C2CD5: variants seen among roughly 807,000 people sequenced by gnomAD.
The protein encoded by C2CD5 is C2 domain-containing protein 5.
C2CD5 carries 109 observed loss-of-function variants against 130.3 expected under a neutral mutation model. The ratio of observed to expected loss-of-function variants is 0.84; its 90% CI spans 0.72 to 0.98. C2CD5 has a LOEUF of 0.98. Ranked by LOEUF, C2CD5 falls within the 50% of genes least tolerant of loss-of-function variation. C2CD5 has a pLI of 0.00. For missense variants in C2CD5, 996 were observed against 1,261.8 expected (o/e 0.79, Z 3.19); for synonymous variants, 454 against 429.2 (o/e 1.06, Z -0.71).
chr12:22,481,771 T>A lies in C2CD5; in HGVS notation c.1737+786A>T, dbSNP rs866173680. On this transcript the variant is annotated intron_variant, in intron 14 of 26. Transcript: ENST00000446597. ...CCAGGACTCAATTAATCCTCCCACTTAAGCTTCCTGCCAGCACACCTGGTG... is the reference window on the plus strand; with the variant it reads ...CCAGGACTCAATTAATCCTCCCACTAAAGCTTCCTGCCAGCACACCTGGTG... Among the ~76,000 whole-genome samples, 118 of 149,234 alleles carry A rather than the reference T, an allele frequency of 7.9e-4. 1 individual carries two copies. Among genetic ancestry groups the A allele is most frequent in the African/African-American group, 2.7e-3 (111 of 40,498 alleles).
At chr12:22,493,158 C>A in intron 11 of C2CD5, 65 bp downstream of exon 11, 2 of 890,482 alleles carry the variant, frequency 2.2e-6, no homozygotes, top group South Asian at 1.6e-5. Context: ...TTGCATGAAG[C>A]TTTTCCCCTT....
chr12:22,488,831 C>T (rs1048225425), intron 12 of C2CD5, among the ~76,000 whole-genome samples: 5 of 150,820 alleles, frequency 3.3e-5, no homozygotes, highest in East Asian at 3.9e-4. Flanking sequence ...GTTATAAATG[C>T]GTGCAAGTTT....
chr12:22,515,468 T>C (rs949358403), intron 8 of C2CD5, among the ~76,000 whole-genome samples: 7 of 152,164 alleles, frequency 4.6e-5, no homozygotes, highest in Non-Finnish European at 7.4e-5. Context: ...TTGCCTGCCC[T>C]TTTTGGCTTA....
In C2CD5 at chr12:22,524,638, A is replaced by G. The variant is rs922425004; in HGVS notation, c.446-11T>C. 4.4e-6 allele frequency: 7 copies of G among 1,597,744 alleles called. No individual in the cohort carries two copies. Among genetic ancestry groups the G allele is most frequent in the Non-Finnish European group, 6.0e-6 (7 of 1,171,116 alleles). The stretch of plus-strand genomic sequence containing the variant: ...TTGGAATAGACGTTGCTGTTAAAAC[A>G]AATTATTATGCTTCTGTTTATCAAA... On this transcript the variant is annotated splice_polypyrimidine_tract_variant and intron_variant, in intron 5 of 26. Transcript: ENST00000446597.
chr12:22,493,048 G>A (rs181928495), intron 11 of C2CD5, among the ~76,000 whole-genome samples, 175 bp downstream of exon 11: 2 of 152,236 alleles, frequency 1.3e-5, no homozygotes, highest in East Asian at 3.9e-4. Context: ...CTTTCTCAAA[G>A]TTACACAGTC....
At chr12:22,513,246 A>G (rs1949383544) in intron 9 of C2CD5, 48 bp downstream of exon 9, 1 of 1,265,690 alleles carries the variant, frequency 7.9e-7, no homozygotes, top group African/African-American at 1.5e-5. Flanking sequence ...ATAAGATAAC[A>G]AAGTCATATT....
chr12:22,492,959 C>T (rs185042223), intron 11 of C2CD5, among the ~76,000 whole-genome samples: 193 of 152,204 alleles, frequency 1.3e-3, no homozygotes, highest in South Asian at 2.3e-3. Flanking sequence ...CTCATTTAAT[C>T]ACTGATGTAA....
Position 22,474,897 on chromosome 12 carries a change from A to G in C2CD5, c.1903-6T>C. ...ATAATCTCTTCAGATATCTCCTAAAAGAAATATAATTGTTTTATATCATAT... is the reference window on the plus strand; with the variant it reads ...ATAATCTCTTCAGATATCTCCTAAAGGAAATATAATTGTTTTATATCATAT... On this transcript the variant is annotated splice_polypyrimidine_tract_variant and splice_region_variant and intron_variant, in intron 15 of 26. Coordinates refer to ENST00000446597, the MANE Select transcript of C2CD5 (RefSeq NM_001286176.2). 1 of 1,554,772 alleles carries G rather than the reference A, an allele frequency of 6.4e-7. No homozygotes were observed. Among genetic ancestry groups the G allele is most frequent in the South Asian group, 1.2e-5 (1 of 80,818 alleles).
chr12:22,472,198 A>G (rs1943146822), intron 18 of C2CD5, 88 bp downstream of exon 18: 1 of 883,372 alleles, frequency 1.1e-6, no homozygotes, highest in Admixed American at 2.7e-5. Context: ...TGCAATAAGG[A>G]GGTAAAAAAA....
chr12:22,507,816 C>A (rs1010763074), intron 9 of C2CD5, among the ~76,000 whole-genome samples: 3 of 152,138 alleles, frequency 2.0e-5, no homozygotes, highest in Admixed American at 6.5e-5. Flanking sequence ...GGGCTCTCAA[C>A]GGTCAAAAGA....
intron 22 of C2CD5, among the ~76,000 whole-genome samples, chr12:22,462,446 CAAAT>C (rs1941340228): frequency 6.6e-6 from 1 of 152,078 alleles, no homozygotes; most frequent in African/African-American, 2.4e-5. Flanking sequence ...CTGCAAGCCC[CAAAT>C]AAATGACCCT....
chr12:22,507,705 T>C (rs1424312283), intron 9 of C2CD5, among the ~76,000 whole-genome samples: 2 of 152,226 alleles, frequency 1.3e-5, no homozygotes, highest in Non-Finnish European at 2.9e-5. Flanking sequence ...TTGACCTGTC[T>C]GGCTGCAAGA....
At chr12:22,472,201 T>TTA in intron 18 of C2CD5, 85 bp downstream of exon 18, 1 of 698,186 alleles carries the variant, frequency 1.4e-6, no homozygotes. Flanking sequence ...AATAAGGAGG[T>TTA]AAAAAAAAAA....
In C2CD5 at chr12:22,517,978, C is replaced by T. The variant is rs369208094; in HGVS notation, c.952+8G>A. On this transcript the variant is annotated splice_region_variant and intron_variant, in intron 8 of 26. Coordinates refer to ENST00000446597, the MANE Select transcript of C2CD5 (RefSeq NM_001286176.2). ...AGAAAAAATAAAAGGTGGGTGGAAG[C>T]GCCTTACCAGTTTTGGGTGTCAAAC... The T allele has an allele frequency of 5.4e-5, 87 of 1,602,646 alleles. No individual in the cohort carries two copies. In the African/African-American group the frequency reaches 9.1e-4, roughly 17 times the overall value.
In C2CD5 at chr12:22,482,705, T is replaced by C. The variant is rs1944902710; in HGVS notation, c.1589A>G (p.Asn530Ser). The change falls in exon 14 of 27, where the codon AAT (asparagine) becomes AGT (serine). Residue 530 changes from asparagine to serine, a missense_variant. Around this residue, in one of 9 missense-constraint regions of C2CD5, gnomAD observed 590 missense variants for 631.4 expected, o/e 0.93. Transcript: ENST00000446597. The stretch of plus-strand genomic sequence containing the variant: ...CAAGAGATTACTGATAGCTGTAGCA[T>C]TTGCTTCTGCCTGTGCTTTCTTTTT... ...RLKKKAQAEA[N>S]ATAISNLLPF... is the part of the protein sequence containing the mutation. The C allele has an allele frequency of 6.2e-7, 1 of 1,613,708 alleles. No homozygotes were observed. The highest frequency in any genetic ancestry group is 8.5e-7 in the Non-Finnish European group (1 of 1,179,724).
rs1428903443 is a variant in C2CD5, at chr12:22,457,155, G to T, written c.2693C>A (p.Thr898Lys). ...ACCCACTGGACTTGCTTTTTCAACT[G>T]TCATGGCTAAAATTGGAGAAAAATG... ...IRRGSIKTTM[T>K]VEKASPVGDG... The change falls in exon 25 of 27, where the codon ACA becomes AAA. Residue 898 changes from threonine (T) to lysine (K), a missense_variant. This residue lies in a region of C2CD5 where 590 missense variants were observed against 631.4 expected (regional missense o/e 0.93). Coordinates refer to ENST00000446597, the MANE Select transcript of C2CD5 (RefSeq NM_001286176.2). 3 of 1,598,010 alleles carry T rather than the reference G, an allele frequency of 1.9e-6. No homozygotes were observed. The highest frequency in any genetic ancestry group is 3.3e-4 in the Middle Eastern group (2 of 6,012).
At chr12:22,472,189 G>T in intron 18 of C2CD5, 97 bp downstream of exon 18, 1 of 864,986 alleles carries the variant, frequency 1.2e-6, no homozygotes, top group Non-Finnish European at 1.8e-6. Flanking sequence ...TATTTTAATT[G>T]CAATAAGGAG....
At chr12:22,506,651 A>G in intron 10 of C2CD5, 60 bp downstream of exon 10, 1 of 994,828 alleles carries the variant, frequency 1.0e-6, no homozygotes, top group South Asian at 1.4e-5. Context: ...AAATCATAAA[A>G]ATCAATTTTA....
At chr12:22,479,177 G>T (rs1183449230) in intron 14 of C2CD5, among the ~76,000 whole-genome samples, 1 of 151,708 alleles carries the variant, frequency 6.6e-6, no homozygotes, top group Non-Finnish European at 1.5e-5. Context: ...GGGTTCAAGC[G>T]ATTCTTCTGC....
Sources: gnomAD v4.1 joint callset for allele counts (sites outside exome capture counted in the v4.1 genomes callset) on GRCh38, gnomAD v4.1.1 for gene constraint, gnomAD v4.1.1 regional missense constraint, MANE v1.5 for transcripts, NCBI Gene and HGNC (gene_info 2026-07-23, HGNC 2026-07-21) for gene names.